The following CAPN12 variants were observed in gnomAD, a reference collection of about 807,000 sequenced individuals.
CAPN12 encodes calpain-12.
In CAPN12, 107 loss-of-function variants were observed where a neutral mutation model predicts 95.0. The ratio of observed to expected loss-of-function variants is 1.13; its 90% CI spans 0.96 to 1.32. CAPN12 has a LOEUF of 1.32. Among genes scored for constraint, CAPN12 ranks in the 40% most tolerant of loss-of-function variants. The pLI is 0.00. For synonymous variants in CAPN12, 505 were observed against 415.5 expected (o/e 1.22, Z -2.62); for missense variants, 1,136 against 997.8 (o/e 1.14, Z -1.87).
At position 38,744,355 on chromosome 19, in the gene CAPN12, G is replaced by A. The variant is rs565797360; in HGVS notation, c.-190C>T. On this transcript the variant is annotated 5_prime_UTR_variant, in exon 1 of 21. Coordinates refer to ENST00000328867, the MANE Select transcript of CAPN12 (RefSeq NM_144691.4). ...TTCAGTAGCTTTCTTCCCAGGGCGTGGGGCCTTCAGTTGTGGCCAAGGTAG... is the reference window on the plus strand; with the variant it reads ...TTCAGTAGCTTTCTTCCCAGGGCGTAGGGCCTTCAGTTGTGGCCAAGGTAG... 6.4e-6 allele frequency: 4 copies of A among 621,292 alleles called. No homozygotes were observed. In the African/African-American group the frequency reaches 7.4e-5, roughly 11 times the overall value. The allele number at this position is 621,292 out of a possible 1,614,324, so 38.5% of individuals were successfully genotyped here.
At chr19:38,738,772 C>T (rs1970374616) in intron 5 of CAPN12, 124 bp from the exon 6 acceptor site, 2 of 768,908 alleles carry the variant, frequency 2.6e-6, no homozygotes, top group African/African-American at 1.7e-5. Context: ...TGGCACGCAG[C>T]TCAGAGACCA....
rs151188087 is a variant in CAPN12, at chr19:38,735,426, G to T, written c.1630C>A (p.Pro544Thr). The T allele has an allele frequency of 1.3e-4, 217 of 1,610,788 alleles. No homozygotes were observed. Among genetic ancestry groups the T allele is most frequent in the Non-Finnish European group, 1.7e-4 (204 of 1,179,048 alleles). ...ISADLQSLQG[P>T]YLPLELGLEQ... The stretch of plus-strand genomic sequence containing the variant: ...AACCCCAGCTCCAGGGGCAGGTAGG[G>T]GCCCTGCCGCATGGCGGAAGTTTAG... The change falls in exon 14 of 21, where the codon CCC becomes ACC. Residue 544 changes from proline (P) to threonine (T), a missense_variant. By Grantham distance (38) the Pro-to-Thr change is conservative. Transcript: ENST00000328867.
chr19:38,739,158 AG>A (rs1329116629), intron 5 of CAPN12: 1 of 167,836 alleles, frequency 6.0e-6, no homozygotes, highest in African/African-American at 2.4e-5. Context: ...CAAACAAAAT[AG>A]ATGGAAAGAG....
At chr19:38,732,126 C>T (rs1295714530) in intron 18 of CAPN12, among the ~76,000 whole-genome samples, 3 of 151,248 alleles carry the variant, frequency 2.0e-5, no homozygotes, top group Non-Finnish European at 4.5e-5. Flanking sequence ...TATCAGTTTC[C>T]TTCTTCCTGG....
At position 38,733,733 on chromosome 19, in the gene CAPN12, A is replaced by C. The variant is rs762124313; in HGVS notation, c.1927T>G (p.Tyr643Asp). ...GCATTCAGTGCCAGCCTCAGCTCGT[A>C]GGAGTTCATGGTTCCAGAGGTGTCC... ...DEDTSGTMNS[Y>D]ELRLALNAAG... Residue 643 changes from tyrosine to aspartate, a missense_variant, in exon 18 of 21, where the codon TAC becomes GAC. Physicochemically the swap from Tyr to Asp is radical, Grantham distance 160. Coordinates refer to ENST00000328867, the MANE Select transcript of CAPN12 (RefSeq NM_144691.4). 4 of 1,613,658 alleles carry C rather than the reference A, an allele frequency of 2.5e-6. No individual in the cohort carries two copies. The highest frequency in any genetic ancestry group is 3.4e-6 in the Non-Finnish European group (4 of 1,179,952).
rs769333210 is a variant in CAPN12 at position 38,731,176 on chromosome 19, G to A, written c.2005C>T (p.Arg669Trp). 56 of 1,613,090 alleles carry A rather than the reference G, an allele frequency of 3.5e-5. No individual in the cohort carries two copies. Among genetic ancestry groups the A allele is most frequent in the Middle Eastern group, 1.7e-4 (1 of 6,028 alleles). ...AAGTCCACACGCAGACGGCTATCCC[G>A]GTAGCGGCTGGTGAGGGTCTGGGTC... The part of the protein sequence containing the change: ...QLTQTLTSRY[R>W]DSRLRVDFER... The change falls in exon 19 of 21, where the codon CGG becomes TGG. Residue 669 changes from arginine (R) to tryptophan (W), a missense_variant. Coordinates refer to ENST00000328867, the MANE Select transcript of CAPN12 (RefSeq NM_144691.4).
chr19:38,734,608 G>A lies in CAPN12; in HGVS notation c.1744+205C>T, dbSNP rs548980639. 2.6e-4 allele frequency: 167 copies of A among 648,746 alleles called. 1 individual carries two copies. The highest frequency in any genetic ancestry group is 2.3e-3 in the African/African-American group (127 of 54,622). The allele number at this position is 648,746 out of a possible 1,614,324, so 40.2% of individuals were successfully genotyped here. A position where few individuals can be genotyped will look rare whatever the true frequency, so the allele number is the denominator to read the frequency against. ...GCTCAAGGCAGCCTTGCCTTTCAGC[G>A]GAAGGGGAGCTTGCGAGCAGCCGTG... On this transcript the variant is annotated intron_variant, in intron 15 of 20. Coordinates refer to ENST00000328867, the MANE Select transcript of CAPN12 (RefSeq NM_144691.4).
rs989343587 is a variant in CAPN12, at chr19:38,743,926, T to C, written c.237+3A>G. On this transcript the variant is annotated splice_donor_region_variant and intron_variant, in intron 1 of 20. Transcript: ENST00000328867. ...CAGAGCCCAGACCCCAGCCACACTT[T>C]ACATGGGGCCTCATCCATTTCACGC... 5.6e-6 allele frequency: 9 copies of C among 1,613,538 alleles called. No individual in the cohort carries two copies. In the African/African-American group the frequency reaches 8.0e-5, roughly 14 times the overall value.
chr19:38,733,831 T>C (rs752638790), intron 17 of CAPN12, 50 bp from the exon 18 acceptor site: 6 of 1,481,666 alleles, frequency 4.0e-6, no homozygotes, highest in Non-Finnish European at 5.6e-6. Flanking sequence ...TGAAGAGGGC[T>C]GCCAATGGGG....
At chr19:38,735,143 G>A (rs757979058) in intron 14 of CAPN12, 60 of 600,050 alleles carry the variant, frequency 1.0e-4, no homozygotes, top group Non-Finnish European at 1.5e-4. Flanking sequence ...GAGCCTGGCT[G>A]GAGGTGTCAG....
In CAPN12 at chr19:38,735,441, C is replaced by T. The variant is rs557121788; in HGVS notation, c.1627-12G>A. 5 of 1,610,688 alleles carry T rather than the reference C, an allele frequency of 3.1e-6. No individual in the cohort carries two copies. Among genetic ancestry groups the T allele is most frequent in the East Asian group, 2.2e-5 (1 of 44,648 alleles). On this transcript the variant is annotated splice_polypyrimidine_tract_variant and intron_variant, in intron 13 of 20. Transcript: ENST00000328867. The stretch of plus-strand genomic sequence containing the variant: ...GGCAGGTAGGGGCCCTGCCGCATGG[C>T]GGAAGTTTAGCGCTGGCCAAGATCC...
Position 38,740,125 on chromosome 19 carries a change from G to A in CAPN12, c.655C>T (p.Gln219Ter), listed in dbSNP as rs779789275. The part of the protein sequence containing the change: ...GGVGEVLYLR[Q>*]NSMGLFSALR... ...GCAGAGAACAGCCCCATGCTGTTTT[G>A]TCTCAGATAGAGCACCTCGCCCACG... The change falls in exon 5 of 21, where the codon CAA (glutamine) becomes TAA (stop). Residue 219 changes from glutamine (Q) to a stop codon, truncating the protein, a stop_gained. Transcript: ENST00000328867. LOFTEE classifies it high-confidence loss of function. 3 of 1,613,820 alleles carry A rather than the reference G, an allele frequency of 1.9e-6. No individual in the cohort carries two copies. The highest frequency in any genetic ancestry group is 2.5e-6 in the Non-Finnish European group (3 of 1,179,934).
At chr19:38,739,915 G>C in intron 5 of CAPN12, 136 bp downstream of exon 5, 4 of 875,042 alleles carry the variant, frequency 4.6e-6, no homozygotes, top group African/African-American at 1.7e-5. Context: ...ATTTATTTTT[G>C]ACTAGTTAGA....
intron 15 of CAPN12, 78 bp downstream of exon 15, chr19:38,734,735 G>T: frequency 7.3e-7 from 1 of 1,378,516 alleles, no homozygotes; most frequent in Non-Finnish European, 1.0e-6. Flanking sequence ...TGGGTTCATA[G>T]ACATAGGGTG....
intron 8 of CAPN12, among the ~76,000 whole-genome samples, 185 bp downstream of exon 8, chr19:38,738,088 C>G (rs1034345740): frequency 9.2e-5 from 14 of 152,196 alleles, no homozygotes; most frequent in Admixed American, 9.2e-4. Flanking sequence ...CCACTCCAAT[C>G]AGAGGTTCTC....
At position 38,730,560 on chromosome 19, in the gene CAPN12, T is replaced by A; in HGVS notation, c.*292A>T. The stretch of plus-strand genomic sequence containing the variant: ...CTGCAGCATCATCTTTTTTTATTTC[T>A]CCTGTGTCTGTCCTCCACCTTCTAG... On this transcript the variant is annotated 3_prime_UTR_variant, in exon 21 of 21. Coordinates refer to ENST00000328867, the MANE Select transcript of CAPN12 (RefSeq NM_144691.4). 1 of 504,926 alleles carries A rather than the reference T, an allele frequency of 2.0e-6. No homozygotes were observed. The allele number at this position is 504,926 out of a possible 1,614,324, so 31.3% of individuals were successfully genotyped here. A position where few individuals can be genotyped will look rare whatever the true frequency, so the allele number is the denominator to read the frequency against.
intron 5 of CAPN12, chr19:38,739,710 CT>C (rs58154433): frequency 0.37 from 55,342 of 151,484 alleles, 10,304 homozygotes; most frequent in Non-Finnish European, 0.46. Context: ...GAAAGAGGCA[CT>C]TTTTTTTTTT....
chr19:38,737,519 CG>C lies in CAPN12; in HGVS notation c.1084del (p.Arg362AlafsTer26), dbSNP rs1970283839. On this transcript the variant is annotated frameshift_variant, in exon 9 of 21. Transcript: ENST00000328867. LOFTEE classifies it high-confidence loss of function. ...GCCGGAGTTGAAGCCACGCACCCAGCGGCCTTGGAAGGTGTGGACGTGCCAG... is the reference window on the plus strand; with the variant it reads ...GCCGGAGTTGAAGCCACGCACCCAGCGCCTTGGAAGGTGTGGACGTGCCAG... ...GGWHVHTFQG[R>X]WVRGFNSGGS... The C allele has an allele frequency of 6.2e-7, 1 of 1,612,696 alleles. No homozygotes were observed. The highest frequency in any genetic ancestry group is 1.3e-5 in the African/African-American group (1 of 75,058).
chr19:38,736,465 A>G, intron 11 of CAPN12, 87 bp downstream of exon 11: 1 of 1,090,044 alleles, frequency 9.2e-7, no homozygotes. Flanking sequence ...CCCCCAGGGC[A>G]GTTTGACCAA....
Sources: gnomAD v4.1 joint callset for allele counts (sites outside exome capture counted in the v4.1 genomes callset) on GRCh38, gnomAD v4.1.1 for gene constraint, MANE v1.5 for transcripts, NCBI Gene and HGNC (gene_info 2026-07-23, HGNC 2026-07-21) for gene names.